The following MAGI3 variants were observed in gnomAD, a reference collection of about 807,000 sequenced individuals.
The protein encoded by MAGI3 is membrane-associated guanylate kinase, WW and PDZ domain-containing protein 3.
In MAGI3, 43 loss-of-function variants were observed where a neutral mutation model predicts 121.8. That is an observed-to-expected ratio of 0.35 (90% CI 0.28 to 0.46). MAGI3 has a LOEUF of 0.46. Ranked by LOEUF, MAGI3 falls within the 20% of genes least tolerant of loss-of-function variation. The probability of loss-of-function intolerance (pLI) is 1.00; values close to 1 mark genes in which losing one functional copy is unlikely to be tolerated. For missense variants in MAGI3, 1,547 were observed against 1,797.3 expected (o/e 0.86, Z 2.52); for synonymous variants, 553 against 639.3 (o/e 0.86, Z 2.04).
At position 113,658,548 on chromosome 1, in the gene MAGI3, A is replaced by G. The variant is rs1653603440; in HGVS notation, c.2630-532A>G. Among the ~76,000 whole-genome samples, 1 of 152,234 alleles carries G rather than the reference A, an allele frequency of 6.6e-6. No homozygotes were observed. Among genetic ancestry groups the G allele is most frequent in the East Asian group, 1.9e-4 (1 of 5,198 alleles). ...GTATGATTCATTTTAATTGTCAGTC[A>G]TTTCACTGTACCTGAATTTCTGACC... is the stretch of plus-strand genomic sequence containing the variant. On this transcript the variant is annotated intron_variant, in intron 15 of 20. Coordinates refer to ENST00000307546, the MANE Select transcript of MAGI3 (RefSeq NM_001142782.2). The surrounding 1 kb of genome is among the most constrained non-coding windows in gnomAD (Gnocchi z 4.0).
chr1:113,623,955 A>C (rs1050211015), intron 9 of MAGI3, among the ~76,000 whole-genome samples: 2 of 152,188 alleles, frequency 1.3e-5, no homozygotes, highest in Non-Finnish European at 2.9e-5. Flanking sequence ...GAGAGCATTC[A>C]AAGTTTGTGT....
chr1:113,438,489 C>G (rs770546182), intron 1 of MAGI3, among the ~76,000 whole-genome samples: 1 of 152,132 alleles, frequency 6.6e-6, no homozygotes, highest in Non-Finnish European at 1.5e-5. Context: ...TTGCTATAAA[C>G]GAATACCTGA....
intron 1 of MAGI3, among the ~76,000 whole-genome samples, chr1:113,539,217 A>G (rs1033514693): frequency 6.6e-6 from 1 of 151,962 alleles, no homozygotes; most frequent in Non-Finnish European, 1.5e-5. Context: ...ACATGGTGAA[A>G]CCCCATCTCT....
At chr1:113,556,867 A>C (rs1450380450) in intron 2 of MAGI3, among the ~76,000 whole-genome samples, 1 of 152,168 alleles carries the variant, frequency 6.6e-6, no homozygotes, top group Non-Finnish European at 1.5e-5. Context: ...CACCCGGCCT[A>C]ATAAGGAATA....
chr1:113,487,010 C>G (rs1311809159), intron 1 of MAGI3, among the ~76,000 whole-genome samples: 2 of 152,120 alleles, frequency 1.3e-5, no homozygotes, highest in South Asian at 4.1e-4. Flanking sequence ...TGCCCCCAGC[C>G]TACAAAGTCT....
chr1:113,576,464 C>T (rs1202589163), intron 2 of MAGI3, among the ~76,000 whole-genome samples: 2 of 152,156 alleles, frequency 1.3e-5, no homozygotes, highest in Admixed American at 1.3e-4. Flanking sequence ...CACCCTGCTT[C>T]TGCTCACCCT....
At chr1:113,404,804 G>T (rs1651586685) in intron 1 of MAGI3, among the ~76,000 whole-genome samples, 1 of 151,986 alleles carries the variant, frequency 6.6e-6, no homozygotes, top group South Asian at 2.1e-4. Flanking sequence ...GCACTGGAGG[G>T]AAGGGCCACA....
chr1:113,670,406 G>GT (rs567355909), intron 16 of MAGI3, among the ~76,000 whole-genome samples: 143 of 152,298 alleles, frequency 9.4e-4, no homozygotes, highest in Middle Eastern at 3.4e-3. Context: ...ATGTATTGTA[G>GT]TAAAGCCTGA....
chr1:113,602,383 A>T (rs989573596), intron 6 of MAGI3, among the ~76,000 whole-genome samples: 2 of 152,160 alleles, frequency 1.3e-5, no homozygotes, highest in East Asian at 3.8e-4. Flanking sequence ...TAAGAACAAA[A>T]TCAAGATGGA....
At chr1:113,409,790 G>C (rs910077811) in intron 1 of MAGI3, among the ~76,000 whole-genome samples, 1 of 152,000 alleles carries the variant, frequency 6.6e-6, no homozygotes, top group African/African-American at 2.4e-5. Context: ...TAATAGGTGG[G>C]TGTCAGGAAA....
chr1:113,399,534 T>G (rs1290113773), intron 1 of MAGI3, among the ~76,000 whole-genome samples: 1 of 152,128 alleles, frequency 6.6e-6, no homozygotes, highest in Admixed American at 6.6e-5. Context: ...AAAACAGATA[T>G]TGGCTGTAAA....
chr1:113,625,033 A>C (rs956821751), intron 9 of MAGI3, among the ~76,000 whole-genome samples: 1 of 151,972 alleles, frequency 6.6e-6, no homozygotes, highest in African/African-American at 2.4e-5. Flanking sequence ...GGATTTTTCT[A>C]TTCTGTTCCA....
rs779660934 is a variant in MAGI3 at position 113,391,106 on chromosome 1, C to G, written c.73C>G (p.Pro25Ala). ...VQECAVSWAG[P>A]PGDFGAEIRG... ...GGAGTGCGCCGTGTCCTGGGCCGGGCCCCCGGGCGACTTCGGCGCGGAGAT... is the reference window on the plus strand; with the variant it reads ...GGAGTGCGCCGTGTCCTGGGCCGGGGCCCCGGGCGACTTCGGCGCGGAGAT... The change falls in exon 1 of 21, where the codon CCC becomes GCC. Residue 25 changes from proline to alanine, a missense_variant. Coordinates refer to ENST00000307546, the MANE Select transcript of MAGI3 (RefSeq NM_001142782.2). This position sits in a 1 kb window ranked among gnomAD's most constrained non-coding sequence, Gnocchi z 4.4. 2.5e-6 allele frequency: 4 copies of G among 1,582,064 alleles called. No individual in the cohort carries two copies. The highest frequency in any genetic ancestry group is 3.4e-6 in the Non-Finnish European group (4 of 1,164,900).
intron 7 of MAGI3, among the ~76,000 whole-genome samples, 153 bp from the exon 8 acceptor site, chr1:113,619,583 C>G (rs895649729): frequency 6.6e-6 from 1 of 152,176 alleles, no homozygotes; most frequent in Non-Finnish European, 1.5e-5. Flanking sequence ...CAGAAAGCCC[C>G]TCTGCTATCA....
intron 6 of MAGI3, among the ~76,000 whole-genome samples, chr1:113,594,831 C>G (rs1246520331): frequency 6.6e-6 from 1 of 152,136 alleles, no homozygotes; most frequent in Non-Finnish European, 1.5e-5. Context: ...GACATCTGTC[C>G]TGAAGACAGA....
chr1:113,400,463 G>A (rs1021410626), intron 1 of MAGI3, among the ~76,000 whole-genome samples: 2 of 152,064 alleles, frequency 1.3e-5, no homozygotes, highest in African/African-American at 4.8e-5. Flanking sequence ...TCATGGAATT[G>A]GGTGTGATTT....
At position 113,627,047 on chromosome 1, in the gene MAGI3, T is replaced by A. The variant is rs545591259; in HGVS notation, c.1360+4053T>A. On this transcript the variant is annotated intron_variant, in intron 9 of 20. Coordinates refer to ENST00000307546, the MANE Select transcript of MAGI3 (RefSeq NM_001142782.2). ...TTATTTATTTGAAGTTTTTCTTTTT[T>A]TATATATATAGGCACTTATAGCTAT... Among the ~76,000 whole-genome samples the A allele has an allele frequency of 9.3e-4, 141 of 152,140 alleles. 1 individual carries two copies. The Middle Eastern group carries it at 0.01, about 11-fold the overall frequency.
intron 12 of MAGI3, 143 bp downstream of exon 12, chr1:113,646,785 A>T (rs766392409): frequency 1.6e-6 from 1 of 619,416 alleles, no homozygotes; most frequent in Non-Finnish European, 2.5e-6. Context: ...GACTTCTTCC[A>T]TGTATATTCG....
At chr1:113,476,708 G>A (rs1010258971) in intron 1 of MAGI3, among the ~76,000 whole-genome samples, 4 of 152,208 alleles carry the variant, frequency 2.6e-5, no homozygotes, top group Non-Finnish European at 4.4e-5. Context: ...GTTGATTTGG[G>A]ATGGAGAGTT....
Sources: gnomAD v4.1 joint callset for allele counts (sites outside exome capture counted in the v4.1 genomes callset) on GRCh38, gnomAD v4.1.1 for gene constraint, Gnocchi (gnomAD v3.1) non-coding constraint, MANE v1.5 for transcripts, NCBI Gene and HGNC (gene_info 2026-07-23, HGNC 2026-07-21) for gene names.